The following GRM7 variants were observed in gnomAD, a reference collection of about 807,000 sequenced individuals.
The protein encoded by GRM7 is metabotropic glutamate receptor 7.
In GRM7, 35 loss-of-function variants were observed where a neutral mutation model predicts 84.5. The ratio of observed to expected loss-of-function variants is 0.41; its 90% CI spans 0.32 to 0.55. The LOEUF is 0.55. GRM7 is among the 20% of genes least tolerant of loss of function. The pLI, the probability that GRM7 is intolerant of heterozygous loss-of-function variation, is 0.19. For synonymous variants in GRM7, 487 were observed against 455.1 expected, an observed-to-expected ratio of 1.07 and a Z score of -0.89; for missense variants, 1,003 against 1,194.6, an observed-to-expected ratio of 0.84 and a Z score of 2.36.
intron 8 of GRM7, among the ~76,000 whole-genome samples, chr3:7,590,245 G>A (rs1021734801): frequency 2.6e-5 from 4 of 152,028 alleles, no homozygotes; most frequent in African/African-American, 9.7e-5. Context: ...TATTATCATT[G>A]CCTCCTGCCA....
chr3:7,370,953 C>T (rs776515970), intron 4 of GRM7, among the ~76,000 whole-genome samples: 6 of 152,128 alleles, frequency 3.9e-5, no homozygotes, highest in Non-Finnish European at 5.9e-5. Context: ...TTCCTCAAGT[C>T]TTGAATTTGA....
chr3:7,430,391 G>A (rs1323591471), intron 5 of GRM7, among the ~76,000 whole-genome samples: 1 of 152,136 alleles, frequency 6.6e-6, no homozygotes, highest in African/African-American at 2.4e-5. Context: ...GTTCATTGTT[G>A]TAATTCACCA....
chr3:7,441,184 C>T (rs934515660), intron 5 of GRM7, among the ~76,000 whole-genome samples: 2 of 152,080 alleles, frequency 1.3e-5, no homozygotes, highest in East Asian at 1.9e-4. Flanking sequence ...GCCATTCTGA[C>T]TGGTGTGAGA....
chr3:7,736,765 G>T (rs778543969), intron 9 of GRM7, among the ~76,000 whole-genome samples: 6 of 152,034 alleles, frequency 3.9e-5, no homozygotes, highest in Non-Finnish European at 7.4e-5. Context: ...TATATTCAGG[G>T]CTTATATAAT....
At chr3:7,547,663 A>G (rs1013899243) in intron 7 of GRM7, among the ~76,000 whole-genome samples, 1 of 152,226 alleles carries the variant, frequency 6.6e-6, no homozygotes, top group Admixed American at 6.5e-5. Flanking sequence ...TAATTTTTAA[A>G]GATCCCCAGA....
intron 7 of GRM7, among the ~76,000 whole-genome samples, chr3:7,483,750 G>C (rs1699219028): frequency 1.3e-5 from 2 of 151,936 alleles, no homozygotes; most frequent in African/African-American, 4.8e-5. Context: ...CCAGATGAGA[G>C]ATAGATATAG....
At chr3:6,892,020 T>C (rs1695973351) in intron 1 of GRM7, among the ~76,000 whole-genome samples, 2 of 152,208 alleles carry the variant, frequency 1.3e-5, no homozygotes, top group African/African-American at 4.8e-5. Flanking sequence ...TCCAGTTGGT[T>C]GCATCGGCTC....
At chr3:7,362,140 G>T (rs1462892396) in intron 4 of GRM7, among the ~76,000 whole-genome samples, 1 of 152,092 alleles carries the variant, frequency 6.6e-6, no homozygotes, top group Non-Finnish European at 1.5e-5. Flanking sequence ...ATGTCATTGT[G>T]ATTGAAATGC....
intron 1 of GRM7, among the ~76,000 whole-genome samples, chr3:6,870,920 T>G (rs1168916367): frequency 6.6e-6 from 1 of 152,276 alleles, no homozygotes; most frequent in East Asian, 1.9e-4. Flanking sequence ...CAGAAGTCTG[T>G]AGGTCCGAAG....
At chr3:7,529,977 A>G (rs1037246287) in intron 7 of GRM7, among the ~76,000 whole-genome samples, 2 of 148,676 alleles carry the variant, frequency 1.3e-5, no homozygotes, top group African/African-American at 5.0e-5. Context: ...GTTTTGGGAT[A>G]CATGTGCAGA....
At chr3:7,578,355 G>A (rs1695063241) in intron 7 of GRM7, 67 bp from the exon 8 acceptor site, 3 of 1,035,232 alleles carry the variant, frequency 2.9e-6, no homozygotes, top group Non-Finnish European at 4.3e-6. Context: ...ACTGTTTGCT[G>A]CTGGTGTTCT....
intron 4 of GRM7, among the ~76,000 whole-genome samples, chr3:7,319,683 A>G (rs1256404224): frequency 6.6e-6 from 1 of 152,086 alleles, no homozygotes; most frequent in Non-Finnish European, 1.5e-5. Context: ...ACCATTAGTA[A>G]ACTTTACACA....
chr3:7,320,822 A>T (rs1233948325), intron 4 of GRM7, among the ~76,000 whole-genome samples: 3 of 152,032 alleles, frequency 2.0e-5, no homozygotes, highest in East Asian at 3.9e-4. Context: ...GTGCAAATAT[A>T]CCGTGATGTA....
At chr3:7,306,455 C>T (rs777281870) in intron 3 of GRM7, 43 bp from the exon 4 acceptor site, 90 of 1,555,766 alleles carry the variant, frequency 5.8e-5, no homozygotes, top group Non-Finnish European at 7.4e-5. Flanking sequence ...ATTCAGCTGA[C>T]GTTCTTTATC....
intron 4 of GRM7, among the ~76,000 whole-genome samples, chr3:7,399,639 C>T (rs983425584): frequency 7.2e-5 from 11 of 152,094 alleles, no homozygotes; most frequent in African/African-American, 2.2e-4. Context: ...GTCACAGGGG[C>T]GGATCCCTCA....
intron 2 of GRM7, among the ~76,000 whole-genome samples, chr3:7,239,258 C>T (rs1346781685): frequency 6.6e-6 from 1 of 152,002 alleles, no homozygotes; most frequent in Admixed American, 6.6e-5. Flanking sequence ...ATCTTGGCTT[C>T]CCAAAGTGCT....
chr3:7,360,897 G>A (rs746928756), intron 4 of GRM7, among the ~76,000 whole-genome samples: 9 of 151,756 alleles, frequency 5.9e-5, no homozygotes, highest in Non-Finnish European at 8.8e-5. Context: ...GAAATCTTAC[G>A]TTTTGAAAGG....
chr3:7,522,483 G>A (rs551011970), intron 7 of GRM7, among the ~76,000 whole-genome samples: 1 of 152,094 alleles, frequency 6.6e-6, no homozygotes, highest in African/African-American at 2.4e-5. Flanking sequence ...TATGACACCT[G>A]CCCTCCTCCC....
At chr3:7,479,434 A>G (rs1699045979) in intron 7 of GRM7, among the ~76,000 whole-genome samples, 1 of 152,078 alleles carries the variant, frequency 6.6e-6, no homozygotes, top group African/African-American at 2.4e-5. Context: ...GTTAGCACGT[A>G]TGCTGAGTAT....
Sources: gnomAD v4.1 joint callset for allele counts (sites outside exome capture counted in the v4.1 genomes callset) on GRCh38, gnomAD v4.1.1 for gene constraint, MANE v1.5 for transcripts, NCBI Gene and HGNC (gene_info 2026-07-23, HGNC 2026-07-21) for gene names.